PKHD1: variants seen among roughly 807,000 people sequenced by gnomAD.
PKHD1 encodes PKHD1 ciliary IPT domain containing fibrocystin/polyductin.
Under a neutral mutation model 412.0 loss-of-function variants are expected in PKHD1, and 291 were observed. That is an observed-to-expected ratio of 0.71 (90% CI 0.64 to 0.78). The LOEUF is 0.78. Ranked by LOEUF, PKHD1 falls within the 30% of genes least tolerant of loss-of-function variation. The pLI is 0.00. For synonymous variants in PKHD1, 1,777 were observed against 1,821.5 expected (o/e 0.98, Z 0.62); for missense variants, 4,825 against 4,950.7 (o/e 0.97, Z 0.76).
Position 52,055,589 on chromosome 6 carries a change from G to A in PKHD1, c.1834C>T (p.His612Tyr). ...QKGYRLDQYT[H>Y]LCLAYKGHMN... is the part of the protein sequence containing the mutation. ...GAAGCACAAAGACTGCTACTCACGT[G>A]TGTATACTGATCTAGCCGATAGCCC... Residue 612 changes from histidine (H) to tyrosine (Y), a missense_variant and splice_region_variant, in exon 19 of 67, where the codon CAC (histidine) becomes TAC (tyrosine). By Grantham distance (83) the His-to-Tyr change is moderately conservative. Transcript: ENST00000371117. 6.2e-7 allele frequency: 1 copy of A among 1,613,986 alleles called. No homozygotes were observed. Among genetic ancestry groups the A allele is most frequent in the East Asian group, 2.2e-5 (1 of 44,872 alleles).
chr6:51,844,849 C>T (rs1057092234), intron 50 of PKHD1, among the ~76,000 whole-genome samples: 2 of 152,038 alleles, frequency 1.3e-5, no homozygotes, highest in East Asian at 1.9e-4. Flanking sequence ...TATGGAATTC[C>T]GTGGCCATGA....
chr6:52,020,366 C>T (rs530157990), intron 33 of PKHD1, among the ~76,000 whole-genome samples: 3 of 152,324 alleles, frequency 2.0e-5, no homozygotes, highest in African/African-American at 7.2e-5. Flanking sequence ...AGACGATACA[C>T]AGGCATCTTA....
intron 60 of PKHD1, among the ~76,000 whole-genome samples, chr6:51,663,839 C>T (rs1773265680): frequency 6.9e-6 from 1 of 145,836 alleles, no homozygotes; most frequent in African/African-American, 2.4e-5. Context: ...TCACATGTAT[C>T]CATAAGATTG....
intron 60 of PKHD1, among the ~76,000 whole-genome samples, chr6:51,741,344 C>T (rs749994393): frequency 2.6e-5 from 4 of 152,116 alleles, no homozygotes; most frequent in African/African-American, 7.2e-5. Flanking sequence ...CTATGACTTC[C>T]TTCTGAAAAA....
At chr6:51,962,838 C>T (rs1466341448) in intron 35 of PKHD1, among the ~76,000 whole-genome samples, 2 of 152,042 alleles carry the variant, frequency 1.3e-5, no homozygotes, top group African/African-American at 4.8e-5. Flanking sequence ...TTCCTTCTCC[C>T]CTAATAATGC....
intron 9 of PKHD1, 120 bp downstream of exon 9, chr6:52,070,886 C>A: frequency 1.4e-6 from 1 of 725,978 alleles, no homozygotes; most frequent in Non-Finnish European, 2.5e-6. Context: ...GAATTCTTAA[C>A]AAATAGTAAT....
In PKHD1 at chr6:52,072,683, C is replaced by A. The variant is rs562336148; in HGVS notation, c.528-494G>T. Among the ~76,000 whole-genome samples the A allele has an allele frequency of 1.1e-3, 161 of 152,226 alleles. 3 individuals carry two copies. The highest frequency in any genetic ancestry group is 3.7e-3 in the African/African-American group (155 of 41,554). ...AGTAATAAGATCATATTCTCTTCAA[C>A]TAGGGCAAAATCAGACAGATGGAGT... is the stretch of plus-strand genomic sequence containing the variant. On this transcript the variant is annotated intron_variant, in intron 7 of 66. Transcript: ENST00000371117.
intron 53 of PKHD1, among the ~76,000 whole-genome samples, chr6:51,788,436 G>A (rs1793226913): frequency 6.6e-6 from 1 of 151,286 alleles, no homozygotes; most frequent in Non-Finnish European, 1.5e-5. Flanking sequence ...CCTTTATTCT[G>A]ACTTCTCCTT....
intron 32 of PKHD1, 48 bp downstream of exon 32, chr6:52,024,526 C>A: frequency 6.5e-7 from 1 of 1,547,574 alleles, no homozygotes. Flanking sequence ...AAGGAGCTAC[C>A]AATTCATTTA....
chr6:51,915,748 C>T lies in PKHD1; in HGVS notation c.6122-3172G>A, dbSNP rs562172797. Among the ~76,000 whole-genome samples the T allele has an allele frequency of 7.9e-5, 12 of 152,014 alleles. No individual in the cohort carries two copies. The South Asian group carries it at 2.5e-3, about 32-fold the overall frequency. On this transcript the variant is annotated intron_variant, in intron 37 of 66. Transcript: ENST00000371117. ...CAGTAGATGCAGGGATGAGGCAGCC[C>T]CTACTACCTTCCTAAATGGAGAACA...
intron 2 of PKHD1, 141 bp from the exon 3 acceptor site, chr6:52,083,396 A>G (rs1486535055): frequency 2.3e-5 from 16 of 705,992 alleles, no homozygotes; most frequent in Non-Finnish European, 4.2e-5. Flanking sequence ...CCACATCCCC[A>G]GAGTTTCTGG....
At chr6:51,912,280 AAGACCCCAATACAAATGTCC>A in intron 38 of PKHD1, 66 bp downstream of exon 38, 1 of 850,708 alleles carries the variant, frequency 1.2e-6, no homozygotes, top group Non-Finnish European at 2.0e-6. Context: ...ATATCATTGA[AAGACCCCAATACAAATGTCC>A]AGACCCCAAT....
chr6:51,669,893 T>A (rs1774597410), intron 60 of PKHD1, among the ~76,000 whole-genome samples: 1 of 140,578 alleles, frequency 7.1e-6, no homozygotes, highest in African/African-American at 2.7e-5. Context: ...CTAGTTTGAT[T>A]GCACTGTGGT....
chr6:51,757,848 A>G (rs1787276090), intron 55 of PKHD1, among the ~76,000 whole-genome samples: 1 of 151,936 alleles, frequency 6.6e-6, no homozygotes, highest in Non-Finnish European at 1.5e-5. Flanking sequence ...CAAAAGTGAA[A>G]AGAAAAAAAA....
chr6:51,733,018 G>T, intron 60 of PKHD1, among the ~76,000 whole-genome samples: 1 of 152,258 alleles, frequency 6.6e-6, no homozygotes, highest in East Asian at 1.9e-4. Flanking sequence ...GTACCAAAAG[G>T]TATTGTATGA....
Position 51,659,795 on chromosome 6 carries a change from A to G in PKHD1, c.10331T>C (p.Val3444Ala), listed in dbSNP as rs763589152. 1 of 1,613,680 alleles carries G rather than the reference A, an allele frequency of 6.2e-7. No homozygotes were observed. Among genetic ancestry groups the G allele is most frequent in the Non-Finnish European group, 8.5e-7 (1 of 1,179,670 alleles). ...AGTAGAGCAGGGAATATTGGCATTTACACTGCTAAAGACATCAACAAAACC... is the reference window on the plus strand; with the variant it reads ...AGTAGAGCAGGGAATATTGGCATTTGCACTGCTAAAGACATCAACAAAACC... Reference protein sequence around the residue: ...TSGFVDVFSSVNANIPCSTSG... With the variant: ...TSGFVDVFSSANANIPCSTSG... Residue 3444 changes from valine to alanine, a missense_variant, in exon 61 of 67, where the codon GTA becomes GCA. Physicochemically the swap from Val to Ala is moderately conservative, Grantham distance 64. Coordinates refer to ENST00000371117, the MANE Select transcript of PKHD1 (RefSeq NM_138694.4).
Position 52,025,059 on chromosome 6 carries a change from C to A in PKHD1, c.4751G>T (p.Ser1584Ile), listed in dbSNP as rs1197981811. The stretch of plus-strand genomic sequence containing the variant: ...GGTCAAGAGGCTTCCACCATGTAAG[C>A]TGAAATTCTTAGGAAAATAATGAAA... ...QVFHYFPKNFSLHGGSLLTIE... is the reference protein window; with the variant it reads ...QVFHYFPKNFILHGGSLLTIE... Residue 1584 changes from serine (S) to isoleucine (I), a missense_variant, in exon 32 of 67, where the codon AGC (serine) becomes ATC (isoleucine). Physicochemically the swap from Ser to Ile is moderately radical, Grantham distance 142. Coordinates refer to ENST00000371117, the MANE Select transcript of PKHD1 (RefSeq NM_138694.4). The A allele has an allele frequency of 1.9e-6, 3 of 1,614,182 alleles. No homozygotes were observed. Among genetic ancestry groups the A allele is most frequent in the Non-Finnish European group, 2.5e-6 (3 of 1,180,040 alleles).
In PKHD1 at chr6:51,903,977, C is replaced by T. The variant is rs1781691015; in HGVS notation, c.6865+9G>A. On this transcript the variant is annotated intron_variant, in intron 42 of 66. Coordinates refer to ENST00000371117, the MANE Select transcript of PKHD1 (RefSeq NM_138694.4). Reference sequence around the variant, plus strand: ...CTGTAATAGATTTAAAATCAATTTACATATTTACCATCTTTCCTTCCATGA... The same window carrying T: ...CTGTAATAGATTTAAAATCAATTTATATATTTACCATCTTTCCTTCCATGA... 1 of 1,524,614 alleles carries T rather than the reference C, an allele frequency of 6.6e-7. No homozygotes were observed. The highest frequency in any genetic ancestry group is 2.3e-5 in the East Asian group (1 of 44,418). The allele number at this position is 1,524,614 out of a possible 1,614,324, so 94.4% of individuals were successfully genotyped here.
intron 52 of PKHD1, among the ~76,000 whole-genome samples, chr6:51,802,118 G>A (rs906977943): frequency 2.0e-5 from 3 of 152,126 alleles, no homozygotes; most frequent in Non-Finnish European, 4.4e-5. Context: ...TAAATCTAGA[G>A]ACGGTGCTAT....
Sources: gnomAD v4.1 joint callset for allele counts (sites outside exome capture counted in the v4.1 genomes callset) on GRCh38, gnomAD v4.1.1 for gene constraint, MANE v1.5 for transcripts, NCBI Gene and HGNC (gene_info 2026-07-23, HGNC 2026-07-21) for gene names.